Variants in TFDP1 observed in about 807,000 individuals in gnomAD.
The protein encoded by TFDP1 is DRTF1-polypeptide 1.
A neutral mutation model predicts 48.0 loss-of-function variants in TFDP1; 6 were observed. The ratio of observed to expected loss-of-function variants is 0.13; its 90% CI spans 0.07 to 0.25. The LOEUF is 0.25. TFDP1 is among the 10% of genes least tolerant of loss of function. The pLI, the probability that TFDP1 is intolerant of heterozygous loss-of-function variation, is 1.00. For synonymous variants in TFDP1, 201 were observed against 211.6 expected, an observed-to-expected ratio of 0.95 and a Z score of 0.44; for missense variants, 335 against 543.0, an observed-to-expected ratio of 0.62 and a Z score of 3.81.
At chr13:113,619,606 C>T (rs1039723592) in intron 3 of TFDP1, among the ~76,000 whole-genome samples, 1 of 152,080 alleles carries the variant, frequency 6.6e-6, no homozygotes, top group Non-Finnish European at 1.5e-5. Flanking sequence ...AGGGGCCTTG[C>T]TGCTCGCTGT....
intron 2 of TFDP1, among the ~76,000 whole-genome samples, chr13:113,589,612 A>G (rs1288843762): frequency 1.3e-5 from 2 of 152,230 alleles, no homozygotes; most frequent in South Asian, 2.1e-4. Context: ...GTTCCTGAAC[A>G]GGGTGGCTCT....
intron 4 of TFDP1, among the ~76,000 whole-genome samples, chr13:113,629,117 G>A (rs2049266709): frequency 6.6e-6 from 1 of 152,260 alleles, no homozygotes; most frequent in Non-Finnish European, 1.5e-5. Flanking sequence ...TGGGTGAGGA[G>A]CAGGGACAGT....
chr13:113,590,619 C>T (rs1353992765), intron 2 of TFDP1, among the ~76,000 whole-genome samples: 1 of 152,230 alleles, frequency 6.6e-6, no homozygotes, highest in East Asian at 1.9e-4. Flanking sequence ...TCTATGATGA[C>T]GTGCTTGTTT....
chr13:113,610,408 G>T (rs1404079024), intron 2 of TFDP1, among the ~76,000 whole-genome samples: 2 of 151,924 alleles, frequency 1.3e-5, no homozygotes, highest in Non-Finnish European at 2.9e-5. Context: ...CATCATACGT[G>T]CCCCCACTTT....
At chr13:113,608,609 C>T (rs376058320) in intron 2 of TFDP1, among the ~76,000 whole-genome samples, 22 of 152,246 alleles carry the variant, frequency 1.4e-4, no homozygotes, top group African/African-American at 4.8e-4. Flanking sequence ...TCACCCACCA[C>T]GCCTTAACCT....
In TFDP1 at chr13:113,640,643, CCT is replaced by C. The variant is rs2049619781; in HGVS notation, c.*377_*378del. 1 of 263,000 alleles carries C rather than the reference CCT, an allele frequency of 3.8e-6. No homozygotes were observed. The highest frequency in any genetic ancestry group is 3.6e-5 in the South Asian group (1 of 27,740). 16.3% of individuals were successfully genotyped at this position (263,000 alleles called of 1,614,324 possible). A position where few individuals can be genotyped will look rare whatever the true frequency, so the allele number is the denominator to read the frequency against. Reference sequence around the variant, plus strand: ...CACCTCCTGTTGTGGATGGTGAGCCCCTGATGCCGCTTATTTGCCGTGAGTTT... The same window carrying C: ...CACCTCCTGTTGTGGATGGTGAGCCCGATGCCGCTTATTTGCCGTGAGTTT... On this transcript the variant is annotated 3_prime_UTR_variant, in exon 12 of 12. Coordinates refer to ENST00000375370, the MANE Select transcript of TFDP1 (RefSeq NM_007111.5).
chr13:113,588,240 G>T (rs902495862), intron 2 of TFDP1, among the ~76,000 whole-genome samples: 1 of 152,268 alleles, frequency 6.6e-6, no homozygotes, highest in African/African-American at 2.4e-5. Flanking sequence ...TGTGCCACTT[G>T]GGTTGAAGGA....
At chr13:113,629,764 T>G (rs1340334874) in intron 4 of TFDP1, among the ~76,000 whole-genome samples, 1 of 145,016 alleles carries the variant, frequency 6.9e-6, no homozygotes, top group African/African-American at 2.9e-5. Flanking sequence ...TCGTTGTAAG[T>G]CAGTTCCTCG....
chr13:113,638,423 G>A lies in TFDP1; in HGVS notation c.1085+527G>A, dbSNP rs1474206889. ...TATTTTTCAGAACGTCTGCCATCAC[G>A]GCGCACGTGTTTTTCAGAACGCGTC... On this transcript the variant is annotated intron_variant, in intron 11 of 11. Transcript: ENST00000375370. Among the ~76,000 whole-genome samples, 8 of 149,974 alleles carry A rather than the reference G, an allele frequency of 5.3e-5. 1 individual carries two copies. The South Asian group carries it at 8.5e-4, about 16-fold the overall frequency.
intron 3 of TFDP1, among the ~76,000 whole-genome samples, chr13:113,622,974 G>A (rs972309545): frequency 5.9e-5 from 9 of 152,382 alleles, no homozygotes; most frequent in African/African-American, 1.2e-4. Flanking sequence ...TGGCGTCAGC[G>A]CGGCCCTGCG....
intron 3 of TFDP1, among the ~76,000 whole-genome samples, chr13:113,612,513 G>A (rs949648079): frequency 1.3e-5 from 2 of 152,238 alleles, no homozygotes; most frequent in East Asian, 1.9e-4. Context: ...TATCGTTTTA[G>A]TGTAACTAAT....
At position 113,628,551 on chromosome 13, in the gene TFDP1, T is replaced by G. The variant is rs563016949; in HGVS notation, c.187-3072T>G. 4.6e-5 allele frequency among the ~76,000 whole-genome samples: 7 copies of G among 152,288 alleles called. No individual in the cohort carries two copies. The East Asian group carries it at 1.4e-3, about 29-fold the overall frequency. Reference sequence around the variant, plus strand: ...CTTTCAGCCCCTGCCTGCCTCCTGCTCCCAGAGGCTCCTGGATCTCCTGGA... The same window carrying G: ...CTTTCAGCCCCTGCCTGCCTCCTGCGCCCAGAGGCTCCTGGATCTCCTGGA... On this transcript the variant is annotated intron_variant, in intron 4 of 11. Coordinates refer to ENST00000375370, the MANE Select transcript of TFDP1 (RefSeq NM_007111.5).
At position 113,623,309 on chromosome 13, in the gene TFDP1, C is replaced by G. The variant is rs1448728265; in HGVS notation, c.186+23C>G. 1 of 1,586,496 alleles carries G rather than the reference C, an allele frequency of 6.3e-7. No homozygotes were observed. The highest frequency in any genetic ancestry group is 8.6e-7 in the Non-Finnish European group (1 of 1,165,110). ...GTGGTAAGCCTCCCGCAGGAGCGGACAGCCGGGATCTCGGTGTGAGGTCGG... is the reference window on the plus strand; with the variant it reads ...GTGGTAAGCCTCCCGCAGGAGCGGAGAGCCGGGATCTCGGTGTGAGGTCGG... On this transcript the variant is annotated intron_variant, in intron 4 of 11. Transcript: ENST00000375370. This position sits in a 1 kb window ranked among gnomAD's most constrained non-coding sequence, Gnocchi z 5.2.
At position 113,584,781 on chromosome 13, in the gene TFDP1, G is replaced by A. The variant is rs2047951600; in HGVS notation, c.-172G>A. 1 of 146,204 alleles carries A rather than the reference G, an allele frequency of 6.8e-6. No homozygotes were observed. Among genetic ancestry groups the A allele is most frequent in the African/African-American group, 2.5e-5 (1 of 40,748 alleles). 9.1% of individuals were successfully genotyped at this position (146,204 alleles called of 1,614,324 possible). On this transcript the variant is annotated 5_prime_UTR_variant, in exon 1 of 12. Transcript: ENST00000375370. The stretch of plus-strand genomic sequence containing the variant: ...CGGCCCAGGGCAGGGACCCCGCCAC[G>A]GCCGGGACCGCCCGGCCCGGCCCCA...
chr13:113,619,481 C>CAA (rs1162300447), intron 3 of TFDP1, among the ~76,000 whole-genome samples: 1,413 of 110,398 alleles, frequency 0.013, 18 homozygotes, highest in African/African-American at 0.044. Context: ...AAAAAAAAAA[C>CAA]AAAAAAAAAA....
intron 2 of TFDP1, among the ~76,000 whole-genome samples, chr13:113,593,590 T>C (rs1276732366): frequency 7.5e-6 from 1 of 134,192 alleles, no homozygotes; most frequent in African/African-American, 2.9e-5. Context: ...AGGTGTGCTG[T>C]GTGTGGGTCC....
intron 3 of TFDP1, among the ~76,000 whole-genome samples, 156 bp downstream of exon 3, chr13:113,611,218 C>T (rs1819703952): frequency 6.6e-6 from 1 of 152,244 alleles, no homozygotes; most frequent in African/African-American, 2.4e-5. Flanking sequence ...GGCGTAGGAG[C>T]CTTCTAGCAT....
intron 4 of TFDP1, among the ~76,000 whole-genome samples, chr13:113,624,884 C>G (rs1566665865): frequency 7.0e-6 from 1 of 142,888 alleles, no homozygotes; most frequent in Non-Finnish European, 1.5e-5. Context: ...TCTCAGGTGT[C>G]TCTCACGTGT....
In TFDP1 at chr13:113,640,644, CT is replaced by C. The variant is rs4150829; in HGVS notation, c.*378del. On this transcript the variant is annotated 3_prime_UTR_variant, in exon 12 of 12. Coordinates refer to ENST00000375370, the MANE Select transcript of TFDP1 (RefSeq NM_007111.5). The stretch of plus-strand genomic sequence containing the variant: ...ACCTCCTGTTGTGGATGGTGAGCCC[CT>C]GATGCCGCTTATTTGCCGTGAGTTT... 2,247 of 263,406 alleles carry C rather than the reference CT, an allele frequency of 8.5e-3. 50 individuals are homozygous for C. The highest frequency in any genetic ancestry group is 0.05 in the African/African-American group (2,117 of 42,256). 16.3% of individuals were successfully genotyped at this position (263,406 alleles called of 1,614,324 possible).
Sources: allele counts gnomAD v4.1 joint callset (sites outside exome capture counted in the v4.1 genomes callset), GRCh38; gene constraint gnomAD v4.1.1; non-coding constraint Gnocchi (gnomAD v3.1); transcripts MANE v1.5; gene names NCBI Gene and HGNC (gene_info 2026-07-23, HGNC 2026-07-21).